TENM2: variants seen among roughly 807,000 people sequenced by gnomAD.
TENM2 encodes the protein teneurin-2.
Under a neutral mutation model 245.2 loss-of-function variants are expected in TENM2, and 52 were observed. The ratio of observed to expected loss-of-function variants is 0.21; its 90% CI spans 0.17 to 0.27. TENM2 has a LOEUF of 0.27. Ranked by LOEUF, TENM2 falls within the 10% of genes least tolerant of loss-of-function variation. The probability of loss-of-function intolerance (pLI) is 1.00; values close to 1 mark genes in which losing one functional copy is unlikely to be tolerated. For missense variants in TENM2, 3,046 were observed against 3,666.8 expected (o/e 0.83, Z 4.37); for synonymous variants, 1,363 against 1,438.9 (o/e 0.95, Z 1.19).
chr5:167,386,934 A>G (rs1476306686), intron 2 of TENM2, among the ~76,000 whole-genome samples: 1 of 152,116 alleles, frequency 6.6e-6, no homozygotes, highest in Non-Finnish European at 1.5e-5. Flanking sequence ...GTTTGAAATC[A>G]GGTAATGTGA....
intron 12 of TENM2, chr5:168,149,575 G>C (rs1756458737): frequency 2.3e-6 from 1 of 441,648 alleles, no homozygotes; most frequent in Admixed American, 2.4e-5. Flanking sequence ...ACAAATTTGT[G>C]CCCTGCCCAA....
rs12189266 is a variant in TENM2, at chr5:168,248,387, C to T, written c.7432+16C>T. 713,983 of 1,600,834 alleles carry T rather than the reference C, an allele frequency of 0.45. 165,260 individuals carry two copies. Among genetic ancestry groups the T allele is most frequent in the South Asian group, 0.53 (48,015 of 89,970 alleles). On this transcript the variant is annotated intron_variant, in intron 27 of 28. Coordinates refer to ENST00000518659, the Ensembl canonical transcript of TENM2. ...TACGTGACAGGTGAGGATTCTGCCA[C>T]CAAAGGTGGGCAGTGGCTCCCTCCA...
intron 4 of TENM2, among the ~76,000 whole-genome samples, chr5:167,986,968 G>GT (rs926642670): frequency 9.2e-5 from 14 of 152,276 alleles, no homozygotes; most frequent in African/African-American, 2.6e-4. Context: ...AAAGCTTGAG[G>GT]TTTTTTCAAC....
chr5:167,923,401 C>G (rs992443996), intron 3 of TENM2, among the ~76,000 whole-genome samples: 4 of 151,958 alleles, frequency 2.6e-5, no homozygotes, highest in Non-Finnish European at 5.9e-5. Flanking sequence ...ACCACCTGGT[C>G]TACCTGCCAC....
At chr5:167,663,937 T>C (rs1167945477) in intron 2 of TENM2, among the ~76,000 whole-genome samples, 3 of 152,210 alleles carry the variant, frequency 2.0e-5, no homozygotes, top group Non-Finnish European at 4.4e-5. Context: ...CTTTAAAAAA[T>C]ATTCAAATAT....
the TENM2 span, among the ~76,000 whole-genome samples, chr5:167,008,916 G>C: frequency 4.6e-5 from 7 of 152,166 alleles, no homozygotes; most frequent in Admixed American, 1.3e-4. Context: ...CCACAACAAA[G>C]CTTTTAGCAT....
chr5:167,618,403 A>T (rs1397999458), intron 2 of TENM2, among the ~76,000 whole-genome samples: 1 of 152,022 alleles, frequency 6.6e-6, no homozygotes, highest in African/African-American at 2.4e-5. Context: ...AGTTATCAAC[A>T]CCGGAGATGC....
chr5:167,613,933 C>T lies in TENM2; in HGVS notation c.502+238460C>T, dbSNP rs116832095. ...TTAAAAAAATTATTCATGTTTATTG[C>T]TTGTTTTCTTTTTCTTGGCTTTAGT... On this transcript the variant is annotated intron_variant, in intron 2 of 28. Coordinates refer to ENST00000518659, the Ensembl canonical transcript of TENM2. Among the ~76,000 whole-genome samples the T allele has an allele frequency of 9.9e-3, 1,512 of 152,062 alleles. 30 individuals carry two copies. Among genetic ancestry groups the T allele is most frequent in the African/African-American group, 0.035 (1,448 of 41,494 alleles).
chr5:167,776,569 T>C (rs1763792183), intron 2 of TENM2, among the ~76,000 whole-genome samples: 1 of 118,444 alleles, frequency 8.4e-6, no homozygotes, highest in Non-Finnish European at 1.6e-5. Context: ...CACTCCAGCT[T>C]GGGCAGCAGA....
At chr5:168,217,190 A>G (rs1035417314) in intron 22 of TENM2, among the ~76,000 whole-genome samples, 2 of 152,234 alleles carry the variant, frequency 1.3e-5, no homozygotes, top group Non-Finnish European at 1.5e-5. Context: ...GTGGCAGATT[A>G]CAGGGTAGAA....
chr5:168,103,410 C>A (rs1409928549), intron 9 of TENM2, among the ~76,000 whole-genome samples: 1 of 152,180 alleles, frequency 6.6e-6, no homozygotes, highest in Admixed American at 6.5e-5. Context: ...CCCTTTCTTT[C>A]TCATCCAGGA....
chr5:167,393,057 G>A (rs1487656646), intron 2 of TENM2, among the ~76,000 whole-genome samples: 2 of 151,682 alleles, frequency 1.3e-5, no homozygotes, highest in Non-Finnish European at 2.9e-5. Flanking sequence ...AGGAGGCAGA[G>A]GTTGCAGTGA....
At position 167,579,615 on chromosome 5, in the gene TENM2, G is replaced by A. The variant is rs568780005; in HGVS notation, c.502+204142G>A. Among the ~76,000 whole-genome samples the A allele has an allele frequency of 1.8e-4, 27 of 152,268 alleles. No individual in the cohort carries two copies. In the South Asian group the frequency reaches 5.6e-3, roughly 32 times the overall value. On this transcript the variant is annotated intron_variant, in intron 2 of 28. Coordinates refer to ENST00000518659, the Ensembl canonical transcript of TENM2. Reference sequence around the variant, plus strand: ...ACTGCAGTTCCTTTACTATTGCTGGGCAAGCCAGAGATTTACTGAAATCCA... The same window carrying A: ...ACTGCAGTTCCTTTACTATTGCTGGACAAGCCAGAGATTTACTGAAATCCA...
chr5:167,786,886 A>C lies in TENM2; in HGVS notation c.503-89100A>C, dbSNP rs1043970822. ...AATTAATACAACTTTCTATGACTCA[A>C]ATGCAAAAAGTTAACCCGTTATAGA... is the stretch of plus-strand genomic sequence containing the variant. On this transcript the variant is annotated intron_variant, in intron 2 of 28. Transcript: ENST00000518659. Among the ~76,000 whole-genome samples, 3 of 152,324 alleles carry C rather than the reference A, an allele frequency of 2.0e-5. No individual in the cohort carries two copies. In the East Asian group the frequency reaches 5.8e-4, roughly 29 times the overall value.
the TENM2 span, among the ~76,000 whole-genome samples, chr5:167,126,759 A>G: frequency 1.3e-5 from 2 of 152,160 alleles, no homozygotes; most frequent in African/African-American, 4.8e-5. Flanking sequence ...TATAGAGGAA[A>G]ACCCCAAAGA....
At position 167,593,029 on chromosome 5, in the gene TENM2, A is replaced by C. The variant is rs188272621; in HGVS notation, c.502+217556A>C. 1.8e-4 allele frequency among the ~76,000 whole-genome samples: 27 copies of C among 152,328 alleles called. 1 individual carries two copies. The highest frequency in any genetic ancestry group is 6.5e-4 in the African/African-American group (27 of 41,590). ...AAAAACTTTATTTTAATAATTGCCT[A>C]ATATTTTCTCTTAGAAACTCTGTGA... On this transcript the variant is annotated intron_variant, in intron 2 of 28. Transcript: ENST00000518659.
chr5:167,298,528 C>T (rs1234044228), intron 1 of TENM2, among the ~76,000 whole-genome samples: 2 of 152,132 alleles, frequency 1.3e-5, no homozygotes, highest in Non-Finnish European at 2.9e-5. Context: ...GCGTAAACCC[C>T]AGGGGGCGGA....
chr5:167,779,151 G>C (rs1290579901), intron 2 of TENM2, among the ~76,000 whole-genome samples: 1 of 152,242 alleles, frequency 6.6e-6, no homozygotes, highest in Non-Finnish European at 1.5e-5. Context: ...CGGGCCAGCA[G>C]TGGTGAGCGG....
rs1387921631 is a variant in TENM2 at position 168,204,366 on chromosome 5, C to A, written c.3575-6C>A. On this transcript the variant is annotated splice_polypyrimidine_tract_variant and splice_region_variant and intron_variant, in intron 18 of 28. Transcript: ENST00000518659. The stretch of plus-strand genomic sequence containing the variant: ...AGTAACCCCTCCCATTCTCCAACCC[C>A]CACAGGAATCCTACACAAAGGCACT... 6.2e-7 allele frequency: 1 copy of A among 1,611,802 alleles called. No individual in the cohort carries two copies. The highest frequency in any genetic ancestry group is 8.5e-7 in the Non-Finnish European group (1 of 1,178,302).
Sources: allele counts gnomAD v4.1 joint callset (sites outside exome capture counted in the v4.1 genomes callset), GRCh38; gene constraint gnomAD v4.1.1; transcripts MANE v1.5; gene names NCBI Gene and HGNC (gene_info 2026-07-23, HGNC 2026-07-21).